Variants in IMMP2L observed in about 807,000 individuals in gnomAD.
IMMP2L encodes mitochondrial inner membrane protease subunit 2.
Under a neutral mutation model 19.3 loss-of-function variants are expected in IMMP2L, and 18 were observed. The observed-to-expected ratio is 0.93, with a 90% CI of 0.64 to 1.38. The LOEUF (loss-of-function observed/expected upper bound fraction) is 1.38. Ranked by LOEUF, IMMP2L falls within the 40% of genes most tolerant of loss-of-function variation. The probability of loss-of-function intolerance (pLI) is 0.00; values close to 1 mark genes in which losing one functional copy is unlikely to be tolerated. For synonymous variants in IMMP2L, 76 were observed against 73.0 expected (o/e 1.04, Z -0.21); for missense variants, 233 against 218.2 (o/e 1.07, Z -0.43).
rs1456453920 is a variant in IMMP2L at position 111,011,686 on chromosome 7, G to C, written c.240-48121C>G. Among the ~76,000 whole-genome samples, 5 of 152,194 alleles carry C rather than the reference G, an allele frequency of 3.3e-5. No homozygotes were observed. In the East Asian group the frequency reaches 9.7e-4, roughly 29 times the overall value. ...TCTGAAACCATGCTGCACTGAAGAC[G>C]GCAACAACTGACAAGAGTGTCAGTG... is the stretch of plus-strand genomic sequence containing the variant. On this transcript the variant is annotated intron_variant, in intron 3 of 5. Coordinates refer to ENST00000405709, the MANE Select transcript of IMMP2L (RefSeq NM_032549.4).
At chr7:111,019,707 G>C (rs551495116) in intron 3 of IMMP2L, among the ~76,000 whole-genome samples, 2 of 152,264 alleles carry the variant, frequency 1.3e-5, no homozygotes, top group East Asian at 3.9e-4. Context: ...GGAAGAGCCA[G>C]TATAAATCAG....
At chr7:111,077,728 A>G (rs1354283676) in intron 3 of IMMP2L, among the ~76,000 whole-genome samples, 1 of 152,196 alleles carries the variant, frequency 6.6e-6, no homozygotes, top group African/African-American at 2.4e-5. Context: ...ATGGCTGCCC[A>G]TTACAATTAA....
intron 3 of IMMP2L, among the ~76,000 whole-genome samples, chr7:111,052,513 C>T (rs2129573080): frequency 6.6e-6 from 1 of 152,308 alleles, no homozygotes; most frequent in African/African-American, 2.4e-5. Flanking sequence ...GGAAGCTCCC[C>T]CTTCAATGTT....
At chr7:110,691,376 C>G (rs1014602055) in intron 5 of IMMP2L, among the ~76,000 whole-genome samples, 1 of 151,996 alleles carries the variant, frequency 6.6e-6, no homozygotes, top group African/African-American at 2.4e-5. Context: ...TAGAAGAAAA[C>G]CCAGGAAAAA....
At position 110,757,936 on chromosome 7, in the gene IMMP2L, G is replaced by T. The variant is rs529829324; in HGVS notation, c.409-94215C>A. 8.5e-5 allele frequency among the ~76,000 whole-genome samples: 13 copies of T among 152,216 alleles called. No individual in the cohort carries two copies. The East Asian group carries it at 9.7e-4, about 11-fold the overall frequency. On this transcript the variant is annotated intron_variant, in intron 5 of 5. Coordinates refer to ENST00000405709, the MANE Select transcript of IMMP2L (RefSeq NM_032549.4). The surrounding 1 kb of genome is among the most constrained non-coding windows in gnomAD (Gnocchi z 4.2). ...AGGGGAAGGTGGTAGAAGGAAGTGGGATTGGGAATTCTTGGGTAGAAGTAG... is the reference window on the plus strand; with the variant it reads ...AGGGGAAGGTGGTAGAAGGAAGTGGTATTGGGAATTCTTGGGTAGAAGTAG...
At chr7:111,435,259 T>A (rs896179737) in intron 3 of IMMP2L, among the ~76,000 whole-genome samples, 1 of 151,824 alleles carries the variant, frequency 6.6e-6, no homozygotes, top group African/African-American at 2.4e-5. Context: ...CTAGTCACAA[T>A]AGCAAAGGTA....
chr7:110,944,360 G>T (rs1229362054), intron 4 of IMMP2L, among the ~76,000 whole-genome samples: 1 of 151,930 alleles, frequency 6.6e-6, no homozygotes. Flanking sequence ...GATGGAGAAG[G>T]ATCTGCCACA....
In IMMP2L at chr7:111,317,606, C is replaced by T. The variant is rs114262209; in HGVS notation, c.239+169632G>A. ...AGGCAAATTTTCTTAGCAAAGAGTA[C>T]ATGGCATTCTATTTAAAAATCAACA... On this transcript the variant is annotated intron_variant, in intron 3 of 5. Transcript: ENST00000405709. Among the ~76,000 whole-genome samples, 291 of 152,180 alleles carry T rather than the reference C, an allele frequency of 1.9e-3. 1 individual carries two copies. Among genetic ancestry groups the T allele is most frequent in the African/African-American group, 6.8e-3 (281 of 41,532 alleles).
intron 3 of IMMP2L, among the ~76,000 whole-genome samples, chr7:111,470,555 G>A (rs567807755): frequency 1.3e-5 from 2 of 151,798 alleles, no homozygotes; most frequent in Admixed American, 6.6e-5. Flanking sequence ...AAAAAATGAT[G>A]AGTTCATGTC....
intron 3 of IMMP2L, among the ~76,000 whole-genome samples, chr7:111,203,976 A>G (rs1050451442): frequency 3.3e-5 from 5 of 152,130 alleles, no homozygotes; most frequent in African/African-American, 1.2e-4. Flanking sequence ...ACACTATAGA[A>G]CTGCTGAATG....
At chr7:111,320,892 G>A (rs1018127055) in intron 3 of IMMP2L, among the ~76,000 whole-genome samples, 1 of 151,902 alleles carries the variant, frequency 6.6e-6, no homozygotes, top group African/African-American at 2.4e-5. Context: ...GATCCTTAAA[G>A]TACAAGCAAC....
intron 4 of IMMP2L, among the ~76,000 whole-genome samples, chr7:110,945,934 T>C (rs926792890): frequency 6.6e-6 from 1 of 152,152 alleles, no homozygotes; most frequent in Admixed American, 6.5e-5. Flanking sequence ...GGCAGCTCAC[T>C]TGAAGACGAC....
intron 5 of IMMP2L, among the ~76,000 whole-genome samples, chr7:110,744,427 C>A (rs541421429): frequency 6.6e-6 from 1 of 152,324 alleles, no homozygotes; most frequent in African/African-American, 2.4e-5. Context: ...TCAAGTAGGT[C>A]CCTGACCCCT....
intron 5 of IMMP2L, among the ~76,000 whole-genome samples, chr7:110,740,285 G>T (rs766066703): frequency 2.0e-5 from 3 of 152,010 alleles, no homozygotes; most frequent in Non-Finnish European, 4.4e-5. Context: ...GAAACAAAAA[G>T]CTGGTTCTTT....
At chr7:111,111,582 T>C (rs1232535377) in intron 3 of IMMP2L, among the ~76,000 whole-genome samples, 1 of 152,028 alleles carries the variant, frequency 6.6e-6, no homozygotes, top group South Asian at 2.1e-4. Flanking sequence ...GGTATAGTAG[T>C]CAAATATTAT....
intron 3 of IMMP2L, among the ~76,000 whole-genome samples, chr7:111,160,373 A>G (rs1805120321): frequency 1.3e-5 from 2 of 152,198 alleles, no homozygotes; most frequent in East Asian, 3.9e-4. Flanking sequence ...TATACATATT[A>G]GAGTAGTCTA....
chr7:110,776,025 T>G (rs1799363607), intron 5 of IMMP2L, among the ~76,000 whole-genome samples: 1 of 151,946 alleles, frequency 6.6e-6, no homozygotes, highest in African/African-American at 2.4e-5. Flanking sequence ...CAAAATATAG[T>G]TAAAACATCA....
chr7:111,382,261 A>G (rs1311492400), intron 3 of IMMP2L, among the ~76,000 whole-genome samples: 1 of 151,662 alleles, frequency 6.6e-6, no homozygotes, highest in Non-Finnish European at 1.5e-5. Flanking sequence ...ACCAAAACAG[A>G]AGAACTTTTT....
At chr7:111,184,308 G>A (rs1808035493) in intron 3 of IMMP2L, among the ~76,000 whole-genome samples, 1 of 151,802 alleles carries the variant, frequency 6.6e-6, no homozygotes, top group South Asian at 2.1e-4. Flanking sequence ...AATATTTAAG[G>A]TGCCAATTTC....
Sources: gnomAD v4.1 joint callset for allele counts (sites outside exome capture counted in the v4.1 genomes callset) on GRCh38, gnomAD v4.1.1 for gene constraint, Gnocchi (gnomAD v3.1) non-coding constraint, MANE v1.5 for transcripts, NCBI Gene and HGNC (gene_info 2026-07-23, HGNC 2026-07-21) for gene names.